The following YAP1 variants were observed in gnomAD, a reference collection of about 807,000 sequenced individuals.
YAP1 encodes the protein transcriptional coactivator YAP1.
A neutral mutation model predicts 56.9 loss-of-function variants in YAP1; 5 were observed. That is an observed-to-expected ratio of 0.09 (90% confidence interval 0.05 to 0.18). The LOEUF (loss-of-function observed/expected upper bound fraction) is 0.18, where lower values mean the gene tolerates loss of function less well. YAP1 is among the 10% of genes least tolerant of loss of function. The pLI, the probability that YAP1 is intolerant of heterozygous loss-of-function variation, is 1.00. For synonymous variants in YAP1, 265 were observed against 248.1 expected, an observed-to-expected ratio of 1.07 and a Z score of -0.64; for missense variants, 539 against 651.8, an observed-to-expected ratio of 0.83 and a Z score of 1.88.
intron 7 of YAP1, chr11:102,227,150 C>A (rs959892050): frequency 6.4e-5 from 16 of 251,852 alleles, no homozygotes; most frequent in Non-Finnish European, 7.7e-6. Context: ...AATACTGATG[C>A]AGAGAATTTT....
chr11:102,129,821 A>G (rs957269770), intron 2 of YAP1, among the ~76,000 whole-genome samples: 9 of 146,350 alleles, frequency 6.1e-5, no homozygotes, highest in African/African-American at 2.0e-4. Flanking sequence ...TTTTTTCGAA[A>G]TGGGGTCTTG....
At chr11:102,213,816 G>T (rs575678732) in intron 6 of YAP1, among the ~76,000 whole-genome samples, 1 of 152,308 alleles carries the variant, frequency 6.6e-6, no homozygotes, top group Non-Finnish European at 1.5e-5. Context: ...AGTGGCTCAC[G>T]CCTGTAATCC....
intron 6 of YAP1, among the ~76,000 whole-genome samples, chr11:102,221,761 TATAAC>T (rs1245554680): frequency 6.6e-6 from 1 of 151,978 alleles, no homozygotes. Flanking sequence ...AAGCACATCT[TATAAC>T]GTAACTACTG....
In YAP1 at chr11:102,179,630, G is replaced by T. The variant is rs1238537249; in HGVS notation, c.689-6388G>T. On this transcript the variant is annotated intron_variant, in intron 3 of 8. Transcript: ENST00000282441. ...AGCTTACAGGTCACTTCCTGCCCTTGATCTGCTTTTCTAAAAAACTGTTTC... is the reference window on the plus strand; with the variant it reads ...AGCTTACAGGTCACTTCCTGCCCTTTATCTGCTTTTCTAAAAAACTGTTTC... 3.3e-5 allele frequency among the ~76,000 whole-genome samples: 5 copies of T among 152,050 alleles called. No individual in the cohort carries two copies. The South Asian group carries it at 6.2e-4, about 19-fold the overall frequency.
rs116490254 is a variant in YAP1 at position 102,203,906 on chromosome 11, A to G, written c.803-1987A>G. 3.6e-3 allele frequency among the ~76,000 whole-genome samples: 555 copies of G among 152,346 alleles called. 9 individuals are homozygous for G. The highest frequency in any genetic ancestry group is 0.013 in the African/African-American group (532 of 41,586). ...AATTAAGTTCAATTCAAAAGTTAGA[A>G]AATGAAACACAGAAAAGCTGGAGGG... On this transcript the variant is annotated intron_variant, in intron 4 of 8. Coordinates refer to ENST00000282441, the MANE Select transcript of YAP1 (RefSeq NM_001130145.3).
At chr11:102,115,599 C>CTTCTT (rs544075748) in intron 2 of YAP1, among the ~76,000 whole-genome samples, 1 of 150,448 alleles carries the variant, frequency 6.6e-6, no homozygotes. Flanking sequence ...TTCTTTTCTT[C>CTTCTT]TTTTTTTTTA....
At chr11:102,200,735 A>G (rs1221860517) in intron 4 of YAP1, among the ~76,000 whole-genome samples, 1 of 152,164 alleles carries the variant, frequency 6.6e-6, no homozygotes, top group Non-Finnish European at 1.5e-5. Flanking sequence ...ATGAGCCACC[A>G]TGCCTGGCTA....
At chr11:102,113,059 A>T (rs1404418492) in intron 1 of YAP1, among the ~76,000 whole-genome samples, 1 of 152,168 alleles carries the variant, frequency 6.6e-6, no homozygotes, top group African/African-American at 2.4e-5. Flanking sequence ...TCTCCTAATG[A>T]TTTCCTAAAT....
At chr11:102,174,413 A>G (rs562823520) in intron 3 of YAP1, among the ~76,000 whole-genome samples, 134 of 152,210 alleles carry the variant, frequency 8.8e-4, no homozygotes, top group African/African-American at 3.1e-3. Flanking sequence ...CCTGGCCAAC[A>G]TGGTGAAACC....
At chr11:102,128,269 C>T (rs1298211335) in intron 2 of YAP1, among the ~76,000 whole-genome samples, 2 of 152,174 alleles carry the variant, frequency 1.3e-5, no homozygotes, top group African/African-American at 2.4e-5. Context: ...TCCCAGAATT[C>T]CCACGTGTTG....
chr11:102,141,248 C>T (rs1321492235), intron 2 of YAP1, among the ~76,000 whole-genome samples: 1 of 152,116 alleles, frequency 6.6e-6, no homozygotes, highest in Non-Finnish European at 1.5e-5. Context: ...TCTTGTGTGC[C>T]TAGCATAGAG....
In YAP1 at chr11:102,228,232, T is replaced by C. The variant is rs115770911; in HGVS notation, c.1276+651T>C. Among the ~76,000 whole-genome samples, 882 of 152,162 alleles carry C rather than the reference T, an allele frequency of 5.8e-3. 11 individuals carry two copies. Among genetic ancestry groups the C allele is most frequent in the African/African-American group, 0.02 (829 of 41,510 alleles). ...TGAGAGATGTCTACATGTAATTCAG[T>C]GTTTGTCTTCATCTTTTCTCTAAGA... On this transcript the variant is annotated intron_variant, in intron 8 of 8. Transcript: ENST00000282441.
chr11:102,112,425 C>CTTCTTTTTTTTTTTTTTTTTT, intron 1 of YAP1: 1 of 704,156 alleles, frequency 1.4e-6, no homozygotes, highest in Non-Finnish European at 1.7e-6. Context: ...ATTTCTTCTT[C>CTTCTTTTTTTTTTTTTTTTTT]TTTTTTTTTT....
chr11:102,211,636 A>G (rs2135631189), intron 6 of YAP1, among the ~76,000 whole-genome samples: 1 of 152,312 alleles, frequency 6.6e-6, no homozygotes, highest in East Asian at 1.9e-4. Context: ...TATTTTTCTC[A>G]TCCTATTATT....
intron 4 of YAP1, among the ~76,000 whole-genome samples, chr11:102,193,278 A>G (rs894675051): frequency 2.6e-5 from 4 of 152,130 alleles, no homozygotes; most frequent in African/African-American, 7.2e-5. Context: ...ATAAGATTAT[A>G]GAATAGATTT....
At chr11:102,180,006 ATTTTT>A (rs35958516) in intron 3 of YAP1, among the ~76,000 whole-genome samples, 3 of 105,896 alleles carry the variant, frequency 2.8e-5, no homozygotes, top group Non-Finnish European at 2.0e-5. Flanking sequence ...CATTTATTCT[ATTTTT>A]TTTTTTTTTT....
At chr11:102,186,479 C>T (rs550987797) in intron 4 of YAP1, 10 of 291,006 alleles carry the variant, frequency 3.4e-5, no homozygotes, top group Admixed American at 5.3e-5. Context: ...CATGCAACAC[C>T]TCAGACCAGG....
intron 2 of YAP1, among the ~76,000 whole-genome samples, chr11:102,130,549 T>C (rs1468975593): frequency 6.6e-6 from 1 of 151,820 alleles, no homozygotes; most frequent in Admixed American, 6.6e-5. Context: ...ACTACAAGAA[T>C]GTGCCACCAC....
intron 5 of YAP1, 132 bp from the exon 6 acceptor site, chr11:102,209,385 G>A (rs796539944): frequency 7.5e-6 from 6 of 804,120 alleles, no homozygotes; most frequent in Middle Eastern, 4.5e-4. Flanking sequence ...GTCTTCGTCA[G>A]TCTGCTTCTT....
Sources: allele counts gnomAD v4.1 joint callset (sites outside exome capture counted in the v4.1 genomes callset), GRCh38; gene constraint gnomAD v4.1.1; transcripts MANE v1.5; gene names NCBI Gene and HGNC (gene_info 2026-07-23, HGNC 2026-07-21).